The following TAS2R1 variants were observed in gnomAD, a reference collection of about 807,000 sequenced individuals.
TAS2R1 encodes the protein taste receptor type 2 member 1.
For missense variants in TAS2R1, 370 were observed against 353.4 expected (o/e 1.05, Z -0.38); for synonymous variants, 141 against 134.2 (o/e 1.05, Z -0.35).
the TAS2R1 span, among the ~76,000 whole-genome samples, chr5:9,733,680 A>G: frequency 1.3e-5 from 2 of 152,174 alleles, no homozygotes; most frequent in African/African-American, 4.8e-5. Context: ...CCGACCTCCT[A>G]ATAAATCTCA....
At chr5:9,658,471 A>C (rs576933116) in intron 2 of TAS2R1, 4 of 152,312 alleles carry the variant, frequency 2.6e-5, no homozygotes, top group Non-Finnish European at 4.4e-5. Flanking sequence ...CCAAGAGAGT[A>C]GTTGGTGTTA....
the TAS2R1 span, among the ~76,000 whole-genome samples, chr5:9,805,732 A>C: frequency 6.6e-6 from 1 of 152,106 alleles, no homozygotes; most frequent in African/African-American, 2.4e-5. Flanking sequence ...AAATTAGCAT[A>C]GAAGGGACAT....
the TAS2R1 span, among the ~76,000 whole-genome samples, chr5:9,816,952 T>C: frequency 6.6e-6 from 1 of 152,160 alleles, no homozygotes; most frequent in South Asian, 2.1e-4. Context: ...ATTTCATTCT[T>C]TCTAGCTTGC....
chr5:9,631,315 C>G (rs974066583), upstream of TAS2R1, among the ~76,000 whole-genome samples: 10 of 152,326 alleles, frequency 6.6e-5, no homozygotes, highest in Middle Eastern at 3.4e-3. Context: ...TCACAGCTCA[C>G]TGCAGCTTCA....
At chr5:9,788,228 G>A in the TAS2R1 span, among the ~76,000 whole-genome samples, 1 of 152,170 alleles carries the variant, frequency 6.6e-6, no homozygotes, top group Non-Finnish European at 1.5e-5. Flanking sequence ...GCTTAAATTC[G>A]AGTTCTCTGC....
chr5:9,734,519 A>T, the TAS2R1 span, among the ~76,000 whole-genome samples: 1 of 151,852 alleles, frequency 6.6e-6, no homozygotes, highest in African/African-American at 2.4e-5. Context: ...TTTTTTGCCA[A>T]TGTGTGAGAA....
At chr5:9,791,906 A>G in the TAS2R1 span, among the ~76,000 whole-genome samples, 2 of 152,192 alleles carry the variant, frequency 1.3e-5, no homozygotes, top group Non-Finnish European at 2.9e-5. Flanking sequence ...CTCTCCTGTG[A>G]GCAGCCGAAT....
At chr5:9,736,044 C>T in the TAS2R1 span, among the ~76,000 whole-genome samples, 46 of 152,270 alleles carry the variant, frequency 3.0e-4, no homozygotes, top group African/African-American at 1.1e-3. Context: ...TAGAGTATCT[C>T]GTGCTGTTGT....
chr5:9,630,194 G>A lies in TAS2R1; in HGVS notation c.-162C>T. 1.8e-6 allele frequency: 1 copy of A among 540,550 alleles called. No individual in the cohort carries two copies. The highest frequency in any genetic ancestry group is 3.2e-6 in the Non-Finnish European group (1 of 312,922). The allele number at this position is 540,550 out of a possible 1,614,324, so 33.5% of individuals were successfully genotyped here. ...GTGGTGTACATTTGTTTATGTCACT[G>A]CTTTCTCTATTTAGTTCTGAGACAG... On this transcript the variant is annotated 5_prime_UTR_variant, in exon 1 of 1. Transcript: ENST00000382492.
At chr5:9,878,779 A>G in the TAS2R1 span, among the ~76,000 whole-genome samples, 1 of 152,230 alleles carries the variant, frequency 6.6e-6, no homozygotes, top group East Asian at 1.9e-4. Flanking sequence ...ATAAAATTGT[A>G]CAAAACTGTG....
At chr5:9,671,274 A>G (rs2521556) in intron 1 of TAS2R1, among the ~76,000 whole-genome samples, 51,989 of 152,080 alleles carry the variant, frequency 0.34, 9,690 homozygotes, top group Non-Finnish European at 0.43. Flanking sequence ...TCAACACAGT[A>G]CTGAAAATTC....
At chr5:9,683,987 G>T (rs113723343) in intron 1 of TAS2R1, among the ~76,000 whole-genome samples, 1 of 152,042 alleles carries the variant, frequency 6.6e-6, no homozygotes, top group South Asian at 2.1e-4. Flanking sequence ...AATTAATGCA[G>T]GGATTATAGG....
the TAS2R1 span, among the ~76,000 whole-genome samples, chr5:9,732,984 T>C: frequency 2.6e-5 from 4 of 152,208 alleles, no homozygotes; most frequent in African/African-American, 9.6e-5. Flanking sequence ...CCCACACATA[T>C]TATTCATGAT....
At chr5:9,794,399 A>G in the TAS2R1 span, among the ~76,000 whole-genome samples, 1 of 152,114 alleles carries the variant, frequency 6.6e-6, no homozygotes, top group African/African-American at 2.4e-5. Context: ...TTTATAAAAT[A>G]TTTTTTAAAT....
At chr5:9,725,973 G>A in the TAS2R1 span, among the ~76,000 whole-genome samples, 6 of 150,570 alleles carry the variant, frequency 4.0e-5, no homozygotes, top group East Asian at 3.9e-4. Context: ...TACACCAATC[G>A]GCACTCTGTA....
At chr5:9,738,811 T>A in the TAS2R1 span, among the ~76,000 whole-genome samples, 1 of 151,962 alleles carries the variant, frequency 6.6e-6, no homozygotes, top group East Asian at 1.9e-4. Flanking sequence ...TCAGTGCAGA[T>A]GAGTCTCAAG....
rs550124404 is a variant in TAS2R1 at position 9,694,741 on chromosome 5, C to G, written c.-242+17431G>C. 2.0e-5 allele frequency among the ~76,000 whole-genome samples: 3 copies of G among 152,294 alleles called. No individual in the cohort carries two copies. The East Asian group carries it at 5.8e-4, about 29-fold the overall frequency. On this transcript the variant is annotated intron_variant, in intron 1 of 2. Transcript: ENST00000506620. ...GAGTTTGGTATGAAAAAATTAATAA[C>G]TGTTGAAACAATTCCTCTCAATTTC...
chr5:9,752,846 G>C, the TAS2R1 span, among the ~76,000 whole-genome samples: 1 of 152,074 alleles, frequency 6.6e-6, no homozygotes, highest in Non-Finnish European at 1.5e-5. Context: ...ATGGTTTCCA[G>C]CTTCATCCAT....
At chr5:9,753,513 T>C in the TAS2R1 span, among the ~76,000 whole-genome samples, 2 of 152,300 alleles carry the variant, frequency 1.3e-5, no homozygotes, top group African/African-American at 4.8e-5. Flanking sequence ...TTCACTCTGA[T>C]GGTGGTTTCT....
Sources: gnomAD v4.1 joint callset for allele counts (sites outside exome capture counted in the v4.1 genomes callset) on GRCh38, gnomAD v4.1.1 for gene constraint, MANE v1.5 for transcripts, NCBI Gene and HGNC (gene_info 2026-07-23, HGNC 2026-07-21) for gene names.